NDUFS4: variants seen among roughly 807,000 people sequenced by gnomAD.
The protein encoded by NDUFS4 is NADH dehydrogenase [ubiquinone] iron-sulfur protein 4, mitochondrial.
Under a neutral mutation model 24.3 loss-of-function variants are expected in NDUFS4, and 28 were observed. The ratio of observed to expected loss-of-function variants is 1.15; its 90% CI spans 0.85 to 1.58. The LOEUF is 1.58. Ranked by LOEUF, NDUFS4 falls within the 40% of genes most tolerant of loss-of-function variation. NDUFS4 has a pLI of 0.00. For missense variants in NDUFS4, 223 were observed against 207.9 expected (o/e 1.07, Z -0.45); for synonymous variants, 93 against 69.7 (o/e 1.34, Z -1.67).
chr5:53,584,951 A>G (rs1156753066), intron 1 of NDUFS4, among the ~76,000 whole-genome samples: 2 of 152,040 alleles, frequency 1.3e-5, no homozygotes, highest in East Asian at 3.9e-4. Flanking sequence ...TATTTTTAGT[A>G]GAGATGGGGT....
intron 4 of NDUFS4, among the ~76,000 whole-genome samples, chr5:53,681,959 T>C (rs1253527132): frequency 1.3e-5 from 2 of 150,260 alleles, no homozygotes; most frequent in African/African-American, 4.9e-5. Flanking sequence ...GAAAGTACTA[T>C]ACTTACCGAG....
intron 3 of NDUFS4, among the ~76,000 whole-genome samples, chr5:53,653,837 A>G (rs1358681238): frequency 6.6e-6 from 1 of 152,108 alleles, no homozygotes; most frequent in Non-Finnish European, 1.5e-5. Flanking sequence ...TTTTAGTTTT[A>G]TCACTATTTC....
At chr5:53,644,587 T>G (rs1028635839) in intron 2 of NDUFS4, among the ~76,000 whole-genome samples, 1 of 152,102 alleles carries the variant, frequency 6.6e-6, no homozygotes. Context: ...ATAATAATAC[T>G]TAAACTTTTT....
In NDUFS4 at chr5:53,585,670, A is replaced by C. The variant is rs557393024; in HGVS notation, c.99-17782A>C. Among the ~76,000 whole-genome samples, 453 of 151,776 alleles carry C rather than the reference A, an allele frequency of 3.0e-3. 1 individual carries two copies. Among genetic ancestry groups the C allele is most frequent in the African/African-American group, 0.011 (437 of 41,396 alleles). ...GGCAGGAGAATTACTTGAACCTGGG[A>C]GGCGGAGGTTGCGGTGAGCCGAGAT... On this transcript the variant is annotated intron_variant, in intron 1 of 4. Coordinates refer to ENST00000296684, the MANE Select transcript of NDUFS4 (RefSeq NM_002495.4).
chr5:53,604,922 A>G (rs1352503530), intron 2 of NDUFS4: 1 of 455,292 alleles, frequency 2.2e-6, no homozygotes, highest in Non-Finnish European at 4.4e-6. Context: ...TGCTTAGTCA[A>G]GTATAAAAGA....
At chr5:53,586,086 T>C (rs969403634) in intron 1 of NDUFS4, among the ~76,000 whole-genome samples, 16 of 152,042 alleles carry the variant, frequency 1.1e-4, no homozygotes, top group African/African-American at 3.9e-4. Flanking sequence ...CCCAGCACTT[T>C]CGGAGGCCGA....
At chr5:53,637,984 C>T (rs1751606531) in intron 2 of NDUFS4, among the ~76,000 whole-genome samples, 1 of 151,926 alleles carries the variant, frequency 6.6e-6, no homozygotes, top group Non-Finnish European at 1.5e-5. Flanking sequence ...TTTAAAATGG[C>T]CGTGGTTAAA....
chr5:53,651,306 G>A (rs1349019816), intron 3 of NDUFS4, among the ~76,000 whole-genome samples: 2 of 151,696 alleles, frequency 1.3e-5, no homozygotes, highest in Non-Finnish European at 2.9e-5. Flanking sequence ...TGGACATATT[G>A]AATTCTGACT....
intron 2 of NDUFS4, among the ~76,000 whole-genome samples, chr5:53,618,507 T>C (rs1245151103): frequency 6.6e-6 from 1 of 152,136 alleles, no homozygotes; most frequent in Non-Finnish European, 1.5e-5. Context: ...ACAGTGGTCC[T>C]GTGTTAGTCA....
chr5:53,585,023 A>G (rs1330087529), intron 1 of NDUFS4, among the ~76,000 whole-genome samples: 1 of 152,116 alleles, frequency 6.6e-6, no homozygotes, highest in South Asian at 2.1e-4. Flanking sequence ...CCACCTCAGA[A>G]AAGTGTTGGG....
At chr5:53,619,059 A>T (rs1053832724) in intron 2 of NDUFS4, among the ~76,000 whole-genome samples, 2 of 151,952 alleles carry the variant, frequency 1.3e-5, no homozygotes, top group African/African-American at 2.4e-5. Flanking sequence ...GGTTGCAGTG[A>T]GCTAAGATCG....
At chr5:53,658,754 A>T in intron 4 of NDUFS4, 130 bp downstream of exon 4, 1 of 605,924 alleles carries the variant, frequency 1.7e-6, no homozygotes, top group South Asian at 2.1e-5. Flanking sequence ...CAGTGGTTTC[A>T]GACTTTAACT....
chr5:53,680,410 C>G (rs1740624610), intron 4 of NDUFS4, among the ~76,000 whole-genome samples: 1 of 152,122 alleles, frequency 6.6e-6, no homozygotes, highest in East Asian at 1.9e-4. Flanking sequence ...TACTGCGGCA[C>G]TATTCACAAT....
chr5:53,579,446 A>G (rs569080934), intron 1 of NDUFS4, among the ~76,000 whole-genome samples: 4 of 152,314 alleles, frequency 2.6e-5, no homozygotes, highest in African/African-American at 9.6e-5. Context: ...CCACCCACCA[A>G]ATATGTTCAT....
chr5:53,674,562 A>G (rs532691630), intron 4 of NDUFS4, among the ~76,000 whole-genome samples: 139 of 152,268 alleles, frequency 9.1e-4, no homozygotes, highest in African/African-American at 3.1e-3. Flanking sequence ...AACCGGTTAC[A>G]GATATCATTA....
At chr5:53,596,156 C>G (rs138588571) in intron 1 of NDUFS4, among the ~76,000 whole-genome samples, 43 of 152,094 alleles carry the variant, frequency 2.8e-4, no homozygotes, top group African/African-American at 1.0e-3. Context: ...TTAGGCTGGG[C>G]TCGGTGTCTC....
At chr5:53,561,588 A>G (rs1748846092) in intron 1 of NDUFS4, among the ~76,000 whole-genome samples, 2 of 151,686 alleles carry the variant, frequency 1.3e-5, no homozygotes, top group Non-Finnish European at 1.5e-5. Flanking sequence ...AAATTATAGT[A>G]CTAATGCTAT....
intron 1 of NDUFS4, among the ~76,000 whole-genome samples, chr5:53,576,044 C>T (rs1242433271): frequency 1.3e-5 from 2 of 152,144 alleles, no homozygotes; most frequent in Non-Finnish European, 2.9e-5. Flanking sequence ...CTGGTTTAGA[C>T]CATCAAACAA....
intron 2 of NDUFS4, among the ~76,000 whole-genome samples, chr5:53,629,325 C>T (rs112396537): frequency 5.3e-4 from 81 of 152,124 alleles, no homozygotes; most frequent in African/African-American, 1.4e-3. Flanking sequence ...AGAATAAGTG[C>T]GATGTGGTGC....
Sources: allele counts gnomAD v4.1 joint callset (sites outside exome capture counted in the v4.1 genomes callset), GRCh38; gene constraint gnomAD v4.1.1; transcripts MANE v1.5; gene names NCBI Gene and HGNC (gene_info 2026-07-23, HGNC 2026-07-21).